VPS13B: variants seen among roughly 807,000 people sequenced by gnomAD.
VPS13B encodes the protein intermembrane lipid transfer protein VPS13B.
A neutral mutation model predicts 426.4 loss-of-function variants in VPS13B; 285 were observed. The observed-to-expected ratio is 0.67, with a 90% confidence interval of 0.61 to 0.74. VPS13B has a LOEUF of 0.74. VPS13B is among the 30% of genes least tolerant of loss of function. VPS13B has a pLI of 0.00. For missense variants in VPS13B, 4,537 were observed against 4,782.6 expected (o/e 0.95, Z 1.51); for synonymous variants, 1,676 against 1,676.4 (o/e 1.00, Z 0.01).
chr8:99,708,475 G>A (rs1832577889), intron 36 of VPS13B, among the ~76,000 whole-genome samples: 1 of 151,984 alleles, frequency 6.6e-6, no homozygotes, highest in African/African-American at 2.4e-5. Context: ...TCCTCTTCCA[G>A]TTACTTGTTT....
chr8:99,137,799 A>C (rs748070119), intron 12 of VPS13B, among the ~76,000 whole-genome samples: 1 of 152,156 alleles, frequency 6.6e-6, no homozygotes, highest in Non-Finnish European at 1.5e-5. Context: ...TTTATAGTCC[A>C]AAGTTCTCTA....
intron 19 of VPS13B, among the ~76,000 whole-genome samples, chr8:99,373,990 G>A (rs1813334809): frequency 6.6e-6 from 1 of 152,020 alleles, no homozygotes; most frequent in Admixed American, 6.6e-5. Context: ...CAAATTTTCT[G>A]AAGACAAATT....
chr8:99,543,493 A>T (rs867281428), intron 30 of VPS13B, among the ~76,000 whole-genome samples: 2,183 of 152,164 alleles, frequency 0.014, 20 homozygotes, highest in Middle Eastern at 0.024. Context: ...GCTTCTGCAC[A>T]GCAAAAGAAA....
chr8:99,544,153 G>A (rs552102189), intron 30 of VPS13B, among the ~76,000 whole-genome samples: 25 of 152,080 alleles, frequency 1.6e-4, no homozygotes, highest in South Asian at 8.3e-4. Context: ...ATGAGTTCAC[G>A]TCCTTTGTAG....
At chr8:99,791,605 A>G (rs1298696162) in intron 43 of VPS13B, among the ~76,000 whole-genome samples, 1 of 151,928 alleles carries the variant, frequency 6.6e-6, no homozygotes, top group Non-Finnish European at 1.5e-5. Context: ...TGCGTAGTGC[A>G]GGAGTGAGAG....
At chr8:99,463,586 C>A (rs1225147842) in intron 23 of VPS13B, among the ~76,000 whole-genome samples, 1 of 152,158 alleles carries the variant, frequency 6.6e-6, no homozygotes, top group African/African-American at 2.4e-5. Context: ...TCTTCCTCTT[C>A]TATGAAGATG....
intron 50 of VPS13B, among the ~76,000 whole-genome samples, chr8:99,822,220 T>C (rs1312010036): frequency 6.6e-6 from 1 of 152,172 alleles, no homozygotes; most frequent in East Asian, 1.9e-4. Flanking sequence ...TTCATCAGAG[T>C]AGTAGAATTC....
chr8:99,716,780 A>C (rs1832941818), intron 36 of VPS13B, among the ~76,000 whole-genome samples: 1 of 152,174 alleles, frequency 6.6e-6, no homozygotes, highest in South Asian at 2.1e-4. Flanking sequence ...AACATACTGC[A>C]CTCTGTTACT....
At chr8:99,361,877 T>A (rs1213560162) in intron 19 of VPS13B, among the ~76,000 whole-genome samples, 1 of 152,218 alleles carries the variant, frequency 6.6e-6, no homozygotes, top group Non-Finnish European at 1.5e-5. Context: ...ATAGGCATGT[T>A]ATAAATGTCT....
chr8:99,382,445 G>A (rs552062815), intron 19 of VPS13B, among the ~76,000 whole-genome samples: 121 of 152,102 alleles, frequency 8.0e-4, no homozygotes, highest in Non-Finnish European at 1.4e-3. Context: ...ATATTGATTC[G>A]TCCTATCCAT....
intron 30 of VPS13B, among the ~76,000 whole-genome samples, chr8:99,521,503 T>C (rs1822377418): frequency 6.6e-6 from 1 of 152,238 alleles, no homozygotes; most frequent in South Asian, 2.1e-4. Flanking sequence ...GAAAATGCTA[T>C]GCTCTGGATT....
chr8:99,478,086 TAAAAAAA>T (rs371899284), intron 24 of VPS13B, among the ~76,000 whole-genome samples: 7 of 141,602 alleles, frequency 4.9e-5, no homozygotes, highest in Admixed American at 3.5e-4. Context: ...TGTCTTTATT[TAAAAAAA>T]AAAAAGAAAA....
intron 39 of VPS13B, among the ~76,000 whole-genome samples, chr8:99,725,938 C>T (rs767849846): frequency 6.6e-6 from 1 of 152,140 alleles, no homozygotes; most frequent in Non-Finnish European, 1.5e-5. Flanking sequence ...GTCCTCAAAA[C>T]AGAATTGAGT....
At chr8:99,240,185 T>TG (rs1209776828) in intron 17 of VPS13B, among the ~76,000 whole-genome samples, 1 of 152,204 alleles carries the variant, frequency 6.6e-6, no homozygotes, top group Non-Finnish European at 1.5e-5. Context: ...GGGCATTTTT[T>TG]GGGGAAATGT....
At chr8:99,329,147 T>A (rs1009054376) in intron 19 of VPS13B, among the ~76,000 whole-genome samples, 1 of 152,142 alleles carries the variant, frequency 6.6e-6, no homozygotes, top group East Asian at 1.9e-4. Context: ...ATTATAGACT[T>A]CTAAAGTATT....
At chr8:99,751,636 G>A (rs1203823464) in intron 39 of VPS13B, among the ~76,000 whole-genome samples, 1 of 152,108 alleles carries the variant, frequency 6.6e-6, no homozygotes, top group African/African-American at 2.4e-5. Flanking sequence ...ATACTTGATA[G>A]GCTAATTAAA....
At chr8:99,352,152 G>A (rs1811926813) in intron 19 of VPS13B, among the ~76,000 whole-genome samples, 1 of 152,148 alleles carries the variant, frequency 6.6e-6, no homozygotes, top group Non-Finnish European at 1.5e-5. Context: ...AGGAAATAGA[G>A]TGGAAGCTAC....
chr8:99,543,454 T>G (rs1275061133), intron 30 of VPS13B, among the ~76,000 whole-genome samples: 1 of 151,284 alleles, frequency 6.6e-6, no homozygotes, highest in South Asian at 2.1e-4. Context: ...AAGCCAAAAT[T>G]GACAAATGGG....
intron 22 of VPS13B, among the ~76,000 whole-genome samples, chr8:99,439,360 T>C (rs1563730940): frequency 6.6e-6 from 1 of 152,144 alleles, no homozygotes; most frequent in Non-Finnish European, 1.5e-5. Flanking sequence ...GTAAGGATAT[T>C]AATACTTGAA....
Sources: gnomAD v4.1 joint callset for allele counts (sites outside exome capture counted in the v4.1 genomes callset) on GRCh38, gnomAD v4.1.1 for gene constraint, MANE v1.5 for transcripts, NCBI Gene and HGNC (gene_info 2026-07-23, HGNC 2026-07-21) for gene names.